The following EHBP1 variants were observed in gnomAD, a reference collection of about 807,000 sequenced individuals.
EHBP1 encodes EH domain-binding protein 1.
A neutral mutation model predicts 144.0 loss-of-function variants in EHBP1; 55 were observed. The ratio of observed to expected loss-of-function variants is 0.38; its 90% confidence interval spans 0.31 to 0.48. EHBP1 has a LOEUF of 0.48. EHBP1 is among the 20% of genes least tolerant of loss of function. The pLI is 0.98. For missense variants in EHBP1, 1,200 were observed against 1,364.2 expected, an observed-to-expected ratio of 0.88 and a Z score of 1.90; for synonymous variants, 469 against 472.7, an observed-to-expected ratio of 0.99 and a Z score of 0.10.
intron 14 of EHBP1, among the ~76,000 whole-genome samples, chr2:62,977,323 G>C (rs971440555): frequency 2.0e-5 from 3 of 151,868 alleles, no homozygotes; most frequent in African/African-American, 7.3e-5. Flanking sequence ...CACTGTTTTT[G>C]CCCTATGTTC....
intron 14 of EHBP1, among the ~76,000 whole-genome samples, chr2:62,971,460 G>A (rs1050437997): frequency 6.6e-6 from 1 of 152,180 alleles, no homozygotes; most frequent in East Asian, 1.9e-4. Flanking sequence ...AAAGGGAAAT[G>A]TAAACTGATT....
intron 6 of EHBP1, 63 bp downstream of exon 6, chr2:62,826,331 T>C: frequency 1.4e-6 from 2 of 1,416,140 alleles, no homozygotes; most frequent in Non-Finnish European, 1.9e-6. Flanking sequence ...AGCTTTTGAC[T>C]CAGTAGACTG....
chr2:63,026,719 C>T (rs1309440184), intron 19 of EHBP1, among the ~76,000 whole-genome samples: 1 of 152,096 alleles, frequency 6.6e-6, no homozygotes, highest in Non-Finnish European at 1.5e-5. Context: ...GAACAGGTCT[C>T]GTCTAGGCAT....
chr2:62,923,587 G>T (rs372220221), intron 10 of EHBP1, among the ~76,000 whole-genome samples: 2 of 152,196 alleles, frequency 1.3e-5, no homozygotes, highest in African/African-American at 2.4e-5. Flanking sequence ...TGCCCCAGGA[G>T]TGAGAAGTAG....
intron 2 of EHBP1, among the ~76,000 whole-genome samples, chr2:62,730,061 T>C (rs1254093927): frequency 1.3e-5 from 2 of 152,170 alleles, no homozygotes; most frequent in African/African-American, 4.8e-5. Context: ...TGACTACTGT[T>C]CTATCTAGTT....
intron 10 of EHBP1, among the ~76,000 whole-genome samples, chr2:62,882,962 A>G (rs565949815): frequency 7.9e-5 from 12 of 151,846 alleles, no homozygotes; most frequent in African/African-American, 2.4e-4. Context: ...CACTTGATCC[A>G]TAGAGCAACT....
rs1011337236 is a variant in EHBP1 at position 62,897,319 on chromosome 2, C to T, written c.1185+22787C>T. 2.9e-4 allele frequency among the ~76,000 whole-genome samples: 44 copies of T among 152,136 alleles called. 1 individual carries two copies. Among genetic ancestry groups the T allele is most frequent in the Non-Finnish European group, 7.3e-5 (5 of 68,030 alleles). ...CCTTATTCTGTGTACATCTCTATTC[C>T]AGTATGTGGATGTACTATAATTTAT... On this transcript the variant is annotated intron_variant, in intron 10 of 22. Transcript: ENST00000431489.
At chr2:62,738,758 C>A (rs908749298) in intron 2 of EHBP1, among the ~76,000 whole-genome samples, 1 of 152,098 alleles carries the variant, frequency 6.6e-6, no homozygotes, top group African/African-American at 2.4e-5. Context: ...TTTTTGCTCA[C>A]CTAATGAAAA....
intron 2 of EHBP1, among the ~76,000 whole-genome samples, chr2:62,729,262 C>T (rs2037150596): frequency 1.5e-5 from 2 of 136,584 alleles, no homozygotes; most frequent in African/African-American, 2.7e-5. Context: ...CAACTATTCT[C>T]TTATATGTGG....
chr2:62,690,109 A>G (rs2033852983), intron 1 of EHBP1, among the ~76,000 whole-genome samples: 1 of 152,184 alleles, frequency 6.6e-6, no homozygotes, highest in Non-Finnish European at 1.5e-5. Context: ...CCATCTTTCA[A>G]TAATCTGGGA....
intron 15 of EHBP1, among the ~76,000 whole-genome samples, chr2:62,987,567 A>G (rs1432262402): frequency 1.3e-5 from 2 of 152,168 alleles, no homozygotes; most frequent in Non-Finnish European, 2.9e-5. Flanking sequence ...ATTTAGAAAT[A>G]TTTGATGACT....
In EHBP1 at chr2:62,778,405, A is replaced by G. The variant is rs929101068; in HGVS notation, c.312+7013A>G. Among the ~76,000 whole-genome samples the G allele has an allele frequency of 4.6e-5, 7 of 152,048 alleles. No homozygotes were observed. The South Asian group carries it at 6.2e-4, about 13-fold the overall frequency. ...CAAAATGTCAAAAAATAGCTGGGCTATGGTGATGCATGCTTGTAGACCCAA... is the reference window on the plus strand; with the variant it reads ...CAAAATGTCAAAAAATAGCTGGGCTGTGGTGATGCATGCTTGTAGACCCAA... On this transcript the variant is annotated intron_variant, in intron 5 of 22. Coordinates refer to ENST00000431489, the MANE Select transcript of EHBP1 (RefSeq NM_001142616.3).
At chr2:62,676,701 CCAT>C (rs1344563448) in intron 1 of EHBP1, among the ~76,000 whole-genome samples, 2 of 152,100 alleles carry the variant, frequency 1.3e-5, no homozygotes, top group Admixed American at 1.3e-4. Flanking sequence ...CAGGCAGAAA[CCAT>C]ATTCCTTTTT....
At chr2:62,948,236 C>T in intron 12 of EHBP1, 24 bp from the exon 13 acceptor site, 2 of 1,518,272 alleles carry the variant, frequency 1.3e-6, no homozygotes, top group South Asian at 1.3e-5. Flanking sequence ...TTCAATATAT[C>T]TTTTGTTTTT....
rs747732141 is a variant in EHBP1, at chr2:62,911,105, G to T, written c.1186-31613G>T. 9.2e-5 allele frequency among the ~76,000 whole-genome samples: 14 copies of T among 152,162 alleles called. 1 individual carries two copies. The South Asian group carries it at 1.9e-3, about 20-fold the overall frequency. On this transcript the variant is annotated intron_variant, in intron 10 of 22. Transcript: ENST00000431489. ...GGTTCCTGATTTGTATTTAAAATAC[G>T]TGCTAATCTGACTTTGTACCACAAA...
At chr2:62,677,019 TG>T (rs1403893704) in intron 1 of EHBP1, among the ~76,000 whole-genome samples, 1 of 152,052 alleles carries the variant, frequency 6.6e-6, no homozygotes, top group Non-Finnish European at 1.5e-5. Flanking sequence ...AAAACTTAGC[TG>T]GGCATGGTGG....
intron 5 of EHBP1, among the ~76,000 whole-genome samples, chr2:62,812,285 A>G (rs758743040): frequency 1.3e-5 from 2 of 151,900 alleles, no homozygotes; most frequent in Admixed American, 6.6e-5. Context: ...TACAGCAGCA[A>G]AAAAAAATGG....
In EHBP1 at chr2:63,039,956, C is replaced by T. The variant is rs550257621; in HGVS notation, c.3277+1140C>T. Reference sequence around the variant, plus strand: ...GCTACCCAGATGTATCAAATTATAGCATTGATAATGACTATAAAATTTGTC... The same window carrying T: ...GCTACCCAGATGTATCAAATTATAGTATTGATAATGACTATAAAATTTGTC... On this transcript the variant is annotated intron_variant, in intron 21 of 22. Coordinates refer to ENST00000431489, the MANE Select transcript of EHBP1 (RefSeq NM_001142616.3). Among the ~76,000 whole-genome samples the T allele has an allele frequency of 2.6e-5, 4 of 152,074 alleles. No homozygotes were observed. The South Asian group carries it at 8.3e-4, about 32-fold the overall frequency.
intron 3 of EHBP1, among the ~76,000 whole-genome samples, chr2:62,760,633 G>A (rs552499141): frequency 2.3e-4 from 35 of 152,238 alleles, no homozygotes; most frequent in African/African-American, 6.0e-4. Context: ...GACGGTCTCC[G>A]TATTCCCTGC....
Sources: gnomAD v4.1 joint callset for allele counts (sites outside exome capture counted in the v4.1 genomes callset) on GRCh38, gnomAD v4.1.1 for gene constraint, MANE v1.5 for transcripts, NCBI Gene and HGNC (gene_info 2026-07-23, HGNC 2026-07-21) for gene names.